The following MSI2 variants were observed in gnomAD, a reference collection of about 807,000 sequenced individuals.
MSI2 encodes RNA-binding protein Musashi homolog 2.
A neutral mutation model predicts 45.6 loss-of-function variants in MSI2; 17 were observed. The observed-to-expected ratio is 0.37, with a 90% CI of 0.26 to 0.56. The LOEUF (loss-of-function observed/expected upper bound fraction) is 0.56. Among genes scored for constraint, MSI2 ranks in the 20% least tolerant of loss-of-function variants. The probability of loss-of-function intolerance (pLI) is 0.77; values close to 1 mark genes in which losing one functional copy is unlikely to be tolerated. For missense variants in MSI2, 293 were observed against 444.2 expected (o/e 0.66, Z 3.06); for synonymous variants, 156 against 158.2 (o/e 0.99, Z 0.11).
chr17:57,451,717 T>A (rs764015498), intron 6 of MSI2, among the ~76,000 whole-genome samples: 1 of 152,222 alleles, frequency 6.6e-6, no homozygotes, highest in African/African-American at 2.4e-5. Context: ...GAGCTGCAGA[T>A]TTTGAGAAAG....
chr17:57,639,783 T>G (rs9909829), intron 10 of MSI2, among the ~76,000 whole-genome samples: 62,596 of 151,890 alleles, frequency 0.41, 13,341 homozygotes, highest in Non-Finnish European at 0.46. Flanking sequence ...GATTCTACAG[T>G]CTTTCTCCTG....
At chr17:57,331,698 T>A (rs1443780177) in intron 5 of MSI2, among the ~76,000 whole-genome samples, 1 of 152,218 alleles carries the variant, frequency 6.6e-6, no homozygotes, top group Non-Finnish European at 1.5e-5. Context: ...TTCCTTTGTG[T>A]TCACCAGCGT....
chr17:57,412,092 T>C (rs1486080451), intron 6 of MSI2, among the ~76,000 whole-genome samples: 3 of 151,352 alleles, frequency 2.0e-5, no homozygotes, highest in South Asian at 4.2e-4. Flanking sequence ...GGCTAGAGTA[T>C]AGTGGCGCGA....
intron 10 of MSI2, among the ~76,000 whole-genome samples, chr17:57,649,612 A>G (rs75670808): frequency 0.012 from 1,885 of 152,256 alleles, 26 homozygotes; most frequent in African/African-American, 0.043. Flanking sequence ...GTGCTTGCCC[A>G]TCTCCCGCAA....
chr17:57,660,065 A>G (rs1047480104), intron 11 of MSI2, among the ~76,000 whole-genome samples: 1 of 152,218 alleles, frequency 6.6e-6, no homozygotes, highest in African/African-American at 2.4e-5. Flanking sequence ...TGGGGGATTT[A>G]TTGGCTGACA....
intron 5 of MSI2, among the ~76,000 whole-genome samples, chr17:57,329,337 A>G (rs1914068413): frequency 6.6e-6 from 1 of 152,246 alleles, no homozygotes; most frequent in Non-Finnish European, 1.5e-5. Flanking sequence ...TTTTTTAAAA[A>G]GGTAAATGGT....
intron 5 of MSI2, among the ~76,000 whole-genome samples, chr17:57,391,765 C>T (rs1314360410): frequency 6.6e-6 from 1 of 152,218 alleles, no homozygotes; most frequent in Non-Finnish European, 1.5e-5. Context: ...TCTGCTTTGG[C>T]TGCCTTTCTC....
chr17:57,334,803 A>T (rs779314005), intron 5 of MSI2, among the ~76,000 whole-genome samples: 51 of 151,996 alleles, frequency 3.4e-4, no homozygotes, highest in Admixed American at 1.8e-3. Context: ...CAAAAAAAAA[A>T]ATAAATAAAT....
In MSI2 at chr17:57,675,098, C is replaced by A; in HGVS notation, c.917C>A (p.Pro306Gln). Residue 306 changes from proline to glutamine, a missense_variant, in exon 12 of 14, where the codon CCG becomes CAG. Pro to Gln is a moderately conservative substitution (Grantham distance 76). Transcript: ENST00000284073. ...GNYISAASPQPGSGFGHGIAG... is the reference protein window; with the variant it reads ...GNYISAASPQQGSGFGHGIAG... ...TACATAAGTGCGGCCAGCCCACAGC[C>A]GGGCTCGGGCTTCGGCCACGGCATA... 6.2e-7 allele frequency: 1 copy of A among 1,613,834 alleles called. No homozygotes were observed. The highest frequency in any genetic ancestry group is 2.2e-5 in the East Asian group (1 of 44,874).
intron 5 of MSI2, among the ~76,000 whole-genome samples, chr17:57,328,731 G>A (rs535122193): frequency 6.6e-6 from 1 of 151,014 alleles, no homozygotes. Flanking sequence ...TCTTTGAAGA[G>A]TCTTTTTTTT....
At chr17:57,597,466 T>TAAAAAA (rs35606406) in intron 8 of MSI2, among the ~76,000 whole-genome samples, 20,679 of 86,234 alleles carry the variant, frequency 0.24, 2,821 homozygotes, top group Non-Finnish European at 0.28. Context: ...CCTCATCTCT[T>TAAAAAA]AAAAAAAAAA....
chr17:57,677,922 T>C (rs967678325), intron 13 of MSI2, among the ~76,000 whole-genome samples: 11 of 152,228 alleles, frequency 7.2e-5, no homozygotes, highest in Non-Finnish European at 1.0e-4. Context: ...GCGCTAGATG[T>C]GTACTGTGTT....
intron 11 of MSI2, among the ~76,000 whole-genome samples, chr17:57,655,076 G>A (rs1389327224): frequency 1.3e-5 from 2 of 151,866 alleles, no homozygotes; most frequent in Admixed American, 1.3e-4. Context: ...GGTCTGGGGG[G>A]GCCTTGAGGT....
chr17:57,273,438 CA>C (rs1254751906), intron 5 of MSI2, among the ~76,000 whole-genome samples: 4 of 147,966 alleles, frequency 2.7e-5, no homozygotes, highest in African/African-American at 7.5e-5. Context: ...AATGTCCATA[CA>C]CGTCCCATAT....
At chr17:57,466,695 A>T (rs1040887986) in intron 6 of MSI2, among the ~76,000 whole-genome samples, 4 of 152,156 alleles carry the variant, frequency 2.6e-5, no homozygotes, top group Admixed American at 6.5e-5. Context: ...TTCCCCCAAG[A>T]TATTTAAAAT....
chr17:57,511,028 G>A (rs1292651785), intron 6 of MSI2, among the ~76,000 whole-genome samples: 1 of 148,402 alleles, frequency 6.7e-6, no homozygotes, highest in East Asian at 1.9e-4. Flanking sequence ...TTGGTGATCA[G>A]AAACTCCAGG....
At chr17:57,515,938 AC>A (rs2086461258) in intron 6 of MSI2, among the ~76,000 whole-genome samples, 1 of 152,096 alleles carries the variant, frequency 6.6e-6, no homozygotes, top group African/African-American at 2.4e-5. Context: ...TGTAGGACTC[AC>A]AAGAAGTTGT....
the MSI2 span, among the ~76,000 whole-genome samples, chr17:57,700,650 C>A: frequency 6.6e-6 from 1 of 152,186 alleles, no homozygotes; most frequent in Non-Finnish European, 1.5e-5. Flanking sequence ...TGCCTGTAAT[C>A]CCAGCACTTT....
At chr17:57,624,748 G>A (rs1908641491) in intron 9 of MSI2, among the ~76,000 whole-genome samples, 1 of 152,204 alleles carries the variant, frequency 6.6e-6, no homozygotes, top group African/African-American at 2.4e-5. Context: ...TCTGGGGGAA[G>A]CAAGGGAAAG....
Sources: allele counts gnomAD v4.1 joint callset (sites outside exome capture counted in the v4.1 genomes callset), GRCh38; gene constraint gnomAD v4.1.1; transcripts MANE v1.5; gene names NCBI Gene and HGNC (gene_info 2026-07-23, HGNC 2026-07-21).